The following ELP4 variants were observed in gnomAD, a reference collection of about 807,000 sequenced individuals.
The protein encoded by ELP4 is elongator complex protein 4.
Under a neutral mutation model 48.9 loss-of-function variants are expected in ELP4, and 51 were observed. The observed-to-expected ratio is 1.04, with a 90% CI of 0.83 to 1.32. ELP4 has a LOEUF of 1.32. Among genes scored for constraint, ELP4 ranks in the 40% most tolerant of loss-of-function variants. The pLI, the probability that ELP4 is intolerant of heterozygous loss-of-function variation, is 0.00. For synonymous variants in ELP4, 210 were observed against 189.2 expected (o/e 1.11, Z -0.90); for missense variants, 519 against 514.6 (o/e 1.01, Z -0.08).
At chr11:31,703,558 AACTAG>A (rs1946570982) in intron 9 of ELP4, among the ~76,000 whole-genome samples, 1 of 152,208 alleles carries the variant, frequency 6.6e-6, no homozygotes, top group African/African-American at 2.4e-5. Flanking sequence ...AATGGAAAGT[AACTAG>A]ACAAAAAGAA....
intron 3 of ELP4, among the ~76,000 whole-genome samples, chr11:31,541,699 A>G (rs1017769893): frequency 2.0e-5 from 3 of 152,206 alleles, no homozygotes; most frequent in African/African-American, 7.2e-5. Context: ...AGAACACATT[A>G]ATTTCAAAAC....
chr11:31,770,648 G>T (rs1182378820), intron 9 of ELP4, among the ~76,000 whole-genome samples: 1 of 151,690 alleles, frequency 6.6e-6, no homozygotes, highest in Non-Finnish European at 1.5e-5. Context: ...AAGAATAGTG[G>T]CTCACATCTG....
At chr11:31,633,663 A>G (rs536742135) in intron 7 of ELP4, 1 of 152,136 alleles carries the variant, frequency 6.6e-6, no homozygotes, top group African/African-American at 2.4e-5. Flanking sequence ...ATAAGTTATC[A>G]TAAATTTAGT....
At chr11:31,780,044 T>C (rs1189720522) in intron 9 of ELP4, 1 of 152,192 alleles carries the variant, frequency 6.6e-6, no homozygotes, top group East Asian at 1.9e-4. Context: ...GAGAATAATA[T>C]GATTTTTTTG....
intron 3 of ELP4, among the ~76,000 whole-genome samples, chr11:31,545,493 C>A (rs1326218944): frequency 1.3e-5 from 2 of 151,640 alleles, no homozygotes; most frequent in Non-Finnish European, 2.9e-5. Flanking sequence ...GTGAAAAGAC[C>A]AAATCTACGT....
At chr11:31,725,047 G>A (rs2134192005) in intron 9 of ELP4, among the ~76,000 whole-genome samples, 1 of 152,276 alleles carries the variant, frequency 6.6e-6, no homozygotes, top group East Asian at 1.9e-4. Context: ...CGTTGGGCCA[G>A]GGGAAAAAGA....
intron 3 of ELP4, among the ~76,000 whole-genome samples, chr11:31,570,854 C>G (rs1487199488): frequency 2.3e-5 from 3 of 130,300 alleles, no homozygotes; most frequent in African/African-American, 6.1e-5. Flanking sequence ...TGCTGGAGTG[C>G]AGTGGCACCA....
Position 31,790,115 on chromosome 11 carries a change from A to AAAC in ELP4, c.*6593_*6594insCAA, listed in dbSNP as rs1554982398. 15 of 791,914 alleles carry AAAC rather than the reference A, an allele frequency of 1.9e-5. No homozygotes were observed. The highest frequency in any genetic ancestry group is 1.5e-4 in the African/African-American group (8 of 54,914). The allele number at this position is 791,914 out of a possible 1,614,324, so 49.1% of individuals were successfully genotyped here. The stretch of plus-strand genomic sequence containing the variant: ...AGGTTTACAAAAAAAAAAAAAAAAA[A>AAAC]AAAAACTAATACTTTCTAACATTTT... On this transcript the variant is annotated 3_prime_UTR_variant, in exon 10 of 10. Transcript: ENST00000640961.
chr11:31,626,511 GTTA>G (rs1466332957), intron 5 of ELP4, among the ~76,000 whole-genome samples: 3 of 151,702 alleles, frequency 2.0e-5, no homozygotes, highest in East Asian at 3.9e-4. Context: ...TAACATTAAT[GTTA>G]TTATTTATAT....
chr11:31,582,000 C>T (rs1026367887), intron 3 of ELP4, among the ~76,000 whole-genome samples: 6 of 152,196 alleles, frequency 3.9e-5, no homozygotes, highest in African/African-American at 9.6e-5. Flanking sequence ...GTGAGCCTTC[C>T]GCCTTAGCCT....
chr11:31,529,699 AG>A (rs922706415), intron 2 of ELP4, among the ~76,000 whole-genome samples: 4 of 152,200 alleles, frequency 2.6e-5, no homozygotes, highest in Non-Finnish European at 5.9e-5. Flanking sequence ...TAGGAAAAGG[AG>A]GGGGGCCTGC....
At chr11:31,752,281 A>AG (rs1396285840) in intron 9 of ELP4, among the ~76,000 whole-genome samples, 1 of 135,494 alleles carries the variant, frequency 7.4e-6, no homozygotes, top group African/African-American at 3.1e-5. Context: ...TAGTAATTTT[A>AG]AAAAACAAAT....
chr11:31,633,768 T>C (rs896491242), intron 7 of ELP4: 2 of 151,964 alleles, frequency 1.3e-5, no homozygotes, highest in Admixed American at 6.6e-5. Flanking sequence ...CTACTACTTA[T>C]ACTACTACTA....
chr11:31,742,931 C>T (rs957840921), intron 9 of ELP4, among the ~76,000 whole-genome samples: 4 of 152,100 alleles, frequency 2.6e-5, no homozygotes, highest in Admixed American at 6.6e-5. Context: ...GGGCTAAATG[C>T]TCCAATTAAA....
At chr11:31,780,989 C>T (rs924609144) in intron 9 of ELP4, among the ~76,000 whole-genome samples, 4 of 152,324 alleles carry the variant, frequency 2.6e-5, no homozygotes, top group Middle Eastern at 3.4e-3. Flanking sequence ...TGTTTTCCTT[C>T]GCCAACTGTG....
chr11:31,557,985 T>A (rs1263047985), intron 3 of ELP4, among the ~76,000 whole-genome samples: 4 of 151,992 alleles, frequency 2.6e-5, no homozygotes, highest in Non-Finnish European at 5.9e-5. Flanking sequence ...ATTAGGAGAG[T>A]CCTTTGAAGG....
rs1421718536 is a variant in ELP4 at position 31,789,502 on chromosome 11, T to A, written c.*5978T>A. On this transcript the variant is annotated 3_prime_UTR_variant, in exon 10 of 10. Coordinates refer to ENST00000640961, the MANE Select transcript of ELP4 (RefSeq NM_019040.5). ...CATCAGTCCATAAACTATGAACAGA[T>A]GGGTAGAAGTATTCGATATATCTTG... 3 of 568,494 alleles carry A rather than the reference T, an allele frequency of 5.3e-6. No homozygotes were observed. The highest frequency in any genetic ancestry group is 3.4e-5 in the Admixed American group (1 of 29,748). 35.2% of individuals were successfully genotyped at this position (568,494 alleles called of 1,614,324 possible).
intron 9 of ELP4, among the ~76,000 whole-genome samples, chr11:31,734,548 G>C (rs1450716446): frequency 6.6e-6 from 1 of 152,192 alleles, no homozygotes; most frequent in African/African-American, 2.4e-5. Context: ...AAACTTAGTT[G>C]TGTTTCTGTA....
At chr11:31,767,002 GA>G (rs1185534871) in intron 9 of ELP4, among the ~76,000 whole-genome samples, 2 of 151,948 alleles carry the variant, frequency 1.3e-5, no homozygotes, top group African/African-American at 2.4e-5. Context: ...ATCATTTGAT[GA>G]AAAAAATCAT....
Sources: gnomAD v4.1 joint callset for allele counts (sites outside exome capture counted in the v4.1 genomes callset) on GRCh38, gnomAD v4.1.1 for gene constraint, MANE v1.5 for transcripts, NCBI Gene and HGNC (gene_info 2026-07-23, HGNC 2026-07-21) for gene names.